CSMD2: variants seen among roughly 807,000 people sequenced by gnomAD.
The protein encoded by CSMD2 is CUB and sushi domain-containing protein 2.
Under a neutral mutation model 398.5 loss-of-function variants are expected in CSMD2, and 130 were observed. The observed-to-expected ratio is 0.33, with a 90% confidence interval of 0.28 to 0.38. The LOEUF is 0.38. CSMD2 is among the 10% of genes least tolerant of loss of function. The pLI is 1.00. For synonymous variants in CSMD2, 1,828 were observed against 1,908.5 expected, an observed-to-expected ratio of 0.96 and a Z score of 1.10; for missense variants, 3,829 against 4,764.9, an observed-to-expected ratio of 0.80 and a Z score of 5.78.
intron 26 of CSMD2, 87 bp from the exon 27 acceptor site, chr1:33,658,224 C>T: frequency 8.5e-7 from 1 of 1,175,504 alleles, no homozygotes; most frequent in South Asian, 1.4e-5. Context: ...CACTGATTGC[C>T]ATCATCCGTG....
chr1:33,797,318 T>C (rs1299723973), intron 10 of CSMD2, among the ~76,000 whole-genome samples: 1 of 152,252 alleles, frequency 6.6e-6, no homozygotes, highest in Non-Finnish European at 1.5e-5. Flanking sequence ...GTAAAATTCC[T>C]CTCTTTGTAC....
At chr1:33,904,179 C>G (rs1642928924) in intron 5 of CSMD2, among the ~76,000 whole-genome samples, 1 of 152,234 alleles carries the variant, frequency 6.6e-6, no homozygotes, top group Non-Finnish European at 1.5e-5. Context: ...TAGGTGCCAT[C>G]TGCAGAATGG....
intron 25 of CSMD2, among the ~76,000 whole-genome samples, chr1:33,692,567 C>T (rs1645275889): frequency 6.6e-6 from 1 of 152,244 alleles, no homozygotes. Context: ...GAGATCCACA[C>T]TCTACAGAAG....
chr1:34,012,536 G>A (rs1477004297), intron 3 of CSMD2, among the ~76,000 whole-genome samples: 2 of 151,872 alleles, frequency 1.3e-5, no homozygotes, highest in East Asian at 3.9e-4. Context: ...CTGCCTCCCA[G>A]GTTCAAGTGA....
chr1:33,617,697 T>C (rs1247401734), intron 37 of CSMD2, 80 bp from the exon 38 acceptor site: 1 of 1,042,120 alleles, frequency 9.6e-7, no homozygotes, highest in Non-Finnish European at 1.5e-6. Flanking sequence ...GGTGAGATGC[T>C]GGTGGCAGGG....
intron 25 of CSMD2, among the ~76,000 whole-genome samples, chr1:33,666,631 G>A (rs1644325550): frequency 2.0e-5 from 3 of 151,874 alleles, no homozygotes. Context: ...GATTTCCTAG[G>A]TAGAATCTTT....
intron 2 of CSMD2, among the ~76,000 whole-genome samples, chr1:34,076,290 A>G (rs558231974): frequency 1.2e-4 from 18 of 152,356 alleles, no homozygotes; most frequent in African/African-American, 4.3e-4. Context: ...CACTTGCCCA[A>G]GTTCACAGAC....
chr1:33,563,425 A>G (rs1658757247), intron 53 of CSMD2, among the ~76,000 whole-genome samples: 1 of 152,120 alleles, frequency 6.6e-6, no homozygotes, highest in African/African-American at 2.4e-5. Flanking sequence ...GGATGTACAC[A>G]GAGCAGATGT....
chr1:33,922,922 AATTTT>A lies in CSMD2; in HGVS notation c.713-4626_713-4622del, dbSNP rs1275372785. On this transcript the variant is annotated intron_variant, in intron 4 of 70. Transcript: ENST00000373381. ...ATTCTTTTGGTTTTTCAGTTTTTTAAATTTTATTTTTAATTGACAATAATTGTATG... is the reference window on the plus strand; with the variant it reads ...ATTCTTTTGGTTTTTCAGTTTTTTAAATTTTTAATTGACAATAATTGTATG... Among the ~76,000 whole-genome samples, 9 of 152,112 alleles carry A rather than the reference AATTTT, an allele frequency of 5.9e-5. No individual in the cohort carries two copies. The East Asian group carries it at 1.4e-3, about 23-fold the overall frequency.
intron 19 of CSMD2, among the ~76,000 whole-genome samples, chr1:33,717,811 G>T (rs937775690): frequency 6.6e-6 from 1 of 151,984 alleles, no homozygotes. Flanking sequence ...AAGTTGGAGC[G>T]ATGGGGGAGA....
At chr1:33,888,927 C>G (rs1234192516) in intron 5 of CSMD2, among the ~76,000 whole-genome samples, 1 of 152,106 alleles carries the variant, frequency 6.6e-6, no homozygotes, top group African/African-American at 2.4e-5. Flanking sequence ...GCCACCACGC[C>G]CGGCTAATTT....
chr1:34,105,267 C>A (rs533329738), intron 1 of CSMD2, among the ~76,000 whole-genome samples: 1 of 152,160 alleles, frequency 6.6e-6, no homozygotes, highest in Non-Finnish European at 1.5e-5. Context: ...CTGTCCTGTA[C>A]ATATAGGATG....
In CSMD2 at chr1:34,163,108, G is replaced by C. The variant is rs562041600; in HGVS notation, c.187+1803C>G. 1.3e-5 allele frequency among the ~76,000 whole-genome samples: 2 copies of C among 152,364 alleles called. No individual in the cohort carries two copies. Among genetic ancestry groups the C allele is most frequent in the East Asian group, 3.9e-4 (2 of 5,178 alleles). ...CCCCTAGGGGCAGGATATGCCCAAG[G>C]GGCAGGGACAAATCTAGCCAGAAAA... On this transcript the variant is annotated intron_variant, in intron 1 of 70. Transcript: ENST00000373381. This position sits in a 1 kb window ranked among gnomAD's most constrained non-coding sequence, Gnocchi z 5.4.
chr1:33,536,470 G>T (rs551439068), intron 62 of CSMD2, among the ~76,000 whole-genome samples: 1 of 152,160 alleles, frequency 6.6e-6, no homozygotes, highest in Non-Finnish European at 1.5e-5. Flanking sequence ...TGATCCACCC[G>T]CCTTGGCTTC....
intron 5 of CSMD2, among the ~76,000 whole-genome samples, chr1:33,902,613 C>A (rs1265591867): frequency 6.6e-6 from 1 of 152,168 alleles, no homozygotes; most frequent in Middle Eastern, 3.2e-3. Flanking sequence ...TATCCCTGCA[C>A]CTTTTTTTCT....
chr1:33,971,944 G>A (rs1030231159), intron 3 of CSMD2, among the ~76,000 whole-genome samples: 2 of 152,224 alleles, frequency 1.3e-5, no homozygotes, highest in African/African-American at 4.8e-5. Context: ...CAGCCCAGGA[G>A]ACAAATACTT....
intron 27 of CSMD2, among the ~76,000 whole-genome samples, chr1:33,653,197 A>T (rs2148970916): frequency 6.6e-6 from 1 of 152,272 alleles, no homozygotes; most frequent in East Asian, 1.9e-4. Flanking sequence ...GGTGGTTGTA[A>T]AGATTATTGG....
chr1:33,691,298 T>C (rs1645231760), intron 25 of CSMD2, among the ~76,000 whole-genome samples: 1 of 152,174 alleles, frequency 6.6e-6, no homozygotes, highest in Admixed American at 6.5e-5. Flanking sequence ...ATCCGGTTTC[T>C]GATCAGAGGG....
At chr1:33,655,646 C>A (rs1404581918) in intron 27 of CSMD2, among the ~76,000 whole-genome samples, 2 of 152,176 alleles carry the variant, frequency 1.3e-5, no homozygotes, top group Admixed American at 6.5e-5. Context: ...ACGGGGACAG[C>A]ATCCAATGAG....
Sources: allele counts gnomAD v4.1 joint callset (sites outside exome capture counted in the v4.1 genomes callset), GRCh38; gene constraint gnomAD v4.1.1; non-coding constraint Gnocchi (gnomAD v3.1); transcripts MANE v1.5; gene names NCBI Gene and HGNC (gene_info 2026-07-23, HGNC 2026-07-21).